The following CPNE4 variants were observed in gnomAD, a reference collection of about 807,000 sequenced individuals.
The protein encoded by CPNE4 is copine 4, also known as copine-4.
Under a neutral mutation model 67.9 loss-of-function variants are expected in CPNE4, and 25 were observed. The observed-to-expected ratio is 0.37, with a 90% CI of 0.27 to 0.51. The LOEUF is 0.51. Among genes scored for constraint, CPNE4 ranks in the 20% least tolerant of loss-of-function variants. The pLI is 0.93. For missense variants in CPNE4, 464 were observed against 690.8 expected, an observed-to-expected ratio of 0.67 and a Z score of 3.68; for synonymous variants, 242 against 244.9, an observed-to-expected ratio of 0.99 and a Z score of 0.11.
intron 14 of CPNE4, among the ~76,000 whole-genome samples, chr3:131,543,675 C>G (rs945543087): frequency 6.6e-6 from 1 of 152,078 alleles, no homozygotes; most frequent in African/African-American, 2.4e-5. Flanking sequence ...TTCTCTGTTT[C>G]TTTTTACTTT....
intron 1 of CPNE4, among the ~76,000 whole-genome samples, chr3:131,917,262 T>C (rs2070582686): frequency 6.6e-6 from 1 of 152,176 alleles, no homozygotes; most frequent in Non-Finnish European, 1.5e-5. Context: ...TGGGATGACA[T>C]AAGCTTTGTG....
intron 3 of CPNE4, among the ~76,000 whole-genome samples, chr3:131,717,853 G>GCTCCGTTTCTTTC (rs1553758811): frequency 1.2e-5 from 1 of 81,160 alleles, no homozygotes; most frequent in Non-Finnish European, 3.2e-5. Context: ...TTCCTTCCTC[G>GCTCCGTTTCTTTC]CTCCCTCCTT....
intron 2 of CPNE4, among the ~76,000 whole-genome samples, chr3:131,801,132 C>T (rs1286359693): frequency 1.3e-5 from 2 of 151,526 alleles, no homozygotes; most frequent in African/African-American, 4.9e-5. Flanking sequence ...TCATGGGTAG[C>T]CTCCATCATT....
At chr3:131,800,118 T>A (rs987159450) in intron 2 of CPNE4, among the ~76,000 whole-genome samples, 4 of 152,094 alleles carry the variant, frequency 2.6e-5, no homozygotes, top group Non-Finnish European at 5.9e-5. Context: ...ACCAGATAGG[T>A]AGTTTTTAAA....
chr3:131,797,602 C>G (rs1364255637), intron 2 of CPNE4, among the ~76,000 whole-genome samples: 1 of 152,142 alleles, frequency 6.6e-6, no homozygotes, highest in African/African-American at 2.4e-5. Flanking sequence ...ATGAGAAACT[C>G]TAGTTATAAA....
intron 15 of CPNE4, among the ~76,000 whole-genome samples, chr3:131,536,051 A>G (rs1254458215): frequency 6.6e-6 from 1 of 152,116 alleles, no homozygotes; most frequent in Non-Finnish European, 1.5e-5. Flanking sequence ...TCATAGGCAT[A>G]GTGAGTTACC....
At chr3:131,575,428 G>A (rs558319342) in intron 9 of CPNE4, among the ~76,000 whole-genome samples, 1 of 152,228 alleles carries the variant, frequency 6.6e-6, no homozygotes, top group African/African-American at 2.4e-5. Flanking sequence ...ATATTTTCAA[G>A]TGTCACTACT....
At chr3:131,771,998 T>C (rs2083178946) in intron 2 of CPNE4, among the ~76,000 whole-genome samples, 1 of 152,176 alleles carries the variant, frequency 6.6e-6, no homozygotes, top group South Asian at 2.1e-4. Context: ...GTTATGGCTC[T>C]TTTCTGAGCC....
chr3:131,630,374 A>G (rs1331021857), intron 7 of CPNE4, among the ~76,000 whole-genome samples: 2 of 152,240 alleles, frequency 1.3e-5, no homozygotes, highest in African/African-American at 2.4e-5. Flanking sequence ...GAAACCACAG[A>G]TAAAGGGGAA....
rs1934994980 is a variant in CPNE4 at position 131,533,641 on chromosome 3, TA to T, written c.*1553del. On this transcript the variant is annotated 3_prime_UTR_variant, in exon 16 of 16. Coordinates refer to ENST00000429747, the MANE Select transcript of CPNE4 (RefSeq NM_130808.3). ...TATGATTTTTTCAGTCATACAATTT[TA>T]CCATCATTCCCAAAATGTTGTGCAT... is the stretch of plus-strand genomic sequence containing the variant. 3 of 152,234 alleles carry T rather than the reference TA, an allele frequency of 2.0e-5. No homozygotes were observed. The highest frequency in any genetic ancestry group is 7.2e-5 in the African/African-American group (3 of 41,468). 9.4% of individuals were successfully genotyped at this position (152,234 alleles called of 1,614,324 possible). A position where few individuals can be genotyped will look rare whatever the true frequency, so the allele number is the denominator to read the frequency against.
At chr3:131,704,435 T>C (rs1430800101) in intron 3 of CPNE4, among the ~76,000 whole-genome samples, 2 of 152,238 alleles carry the variant, frequency 1.3e-5, no homozygotes, top group African/African-American at 4.8e-5. Context: ...TTGTTCAATA[T>C]GGGTGCCTGA....
intron 12 of CPNE4, among the ~76,000 whole-genome samples, chr3:131,553,668 C>T (rs529631897): frequency 3.3e-5 from 5 of 152,118 alleles, no homozygotes; most frequent in East Asian, 1.9e-4. Context: ...TGGTTTCCCT[C>T]ACCTTTTAAA....
chr3:131,954,957 C>G (rs372755363), intron 1 of CPNE4, among the ~76,000 whole-genome samples: 3 of 134,512 alleles, frequency 2.2e-5, no homozygotes, highest in African/African-American at 8.1e-5. Context: ...AATAAACATA[C>G]GTATGCATGT....
intron 2 of CPNE4, among the ~76,000 whole-genome samples, chr3:131,876,204 A>C (rs1560519487): frequency 2.6e-5 from 4 of 151,706 alleles, no homozygotes. Context: ...GCACCCCTGC[A>C]CTCCAGTCTG....
chr3:131,548,018 GAGTAGCTGA>G (rs1272997555), intron 14 of CPNE4, among the ~76,000 whole-genome samples: 3 of 152,138 alleles, frequency 2.0e-5, no homozygotes, highest in African/African-American at 7.2e-5. Context: ...CCCAAGCCCG[GAGTAGCTGA>G]AGATGATAAT....
At chr3:131,610,470 G>A (rs992368629) in intron 7 of CPNE4, among the ~76,000 whole-genome samples, 2 of 152,172 alleles carry the variant, frequency 1.3e-5, no homozygotes, top group African/African-American at 2.4e-5. Context: ...TCCTGAGACT[G>A]CTAGATTGTT....
chr3:131,607,089 G>C (rs1395620753), intron 7 of CPNE4, among the ~76,000 whole-genome samples: 1 of 151,674 alleles, frequency 6.6e-6, no homozygotes, highest in South Asian at 2.1e-4. Flanking sequence ...GTTTGTCAAA[G>C]AGAAGCAATT....
At chr3:131,889,665 G>C (rs1242400995) in intron 2 of CPNE4, among the ~76,000 whole-genome samples, 1 of 152,192 alleles carries the variant, frequency 6.6e-6, no homozygotes, top group East Asian at 1.9e-4. Context: ...ATAGTTTTGA[G>C]TGGTATTTTA....
intron 1 of CPNE4, among the ~76,000 whole-genome samples, chr3:131,933,030 A>G (rs1178935322): frequency 6.6e-6 from 1 of 152,166 alleles, no homozygotes; most frequent in African/African-American, 2.4e-5. Flanking sequence ...AATAGCATGC[A>G]AAGTCTTCAG....
Sources: allele counts gnomAD v4.1 joint callset (sites outside exome capture counted in the v4.1 genomes callset), GRCh38; gene constraint gnomAD v4.1.1; transcripts MANE v1.5; gene names NCBI Gene and HGNC (gene_info 2026-07-23, HGNC 2026-07-21).